Variants in EIF4G3 observed in about 807,000 individuals in gnomAD.
EIF4G3 encodes eIF-4-gamma 3.
Under a neutral mutation model 186.4 loss-of-function variants are expected in EIF4G3, and 34 were observed. The observed-to-expected ratio is 0.18, with a 90% CI of 0.14 to 0.24. The LOEUF (loss-of-function observed/expected upper bound fraction) is 0.24, where lower values mean the gene tolerates loss of function less well. EIF4G3 is among the 10% of genes least tolerant of loss of function. The probability of loss-of-function intolerance (pLI) is 1.00; values close to 1 mark genes in which losing one functional copy is unlikely to be tolerated. For missense variants in EIF4G3, 1,536 were observed against 1,948.5 expected, an observed-to-expected ratio of 0.79 and a Z score of 3.99; for synonymous variants, 673 against 679.5, an observed-to-expected ratio of 0.99 and a Z score of 0.15.
chr1:20,991,721 A>G (rs1352101897), intron 7 of EIF4G3, among the ~76,000 whole-genome samples: 2 of 152,198 alleles, frequency 1.3e-5, no homozygotes, highest in African/African-American at 2.4e-5. Flanking sequence ...ACACAGTGCT[A>G]CCCTAGAGGT....
chr1:21,012,775 A>G (rs2087562674), intron 4 of EIF4G3, among the ~76,000 whole-genome samples: 1 of 152,186 alleles, frequency 6.6e-6, no homozygotes, highest in South Asian at 2.1e-4. Flanking sequence ...GATTCACACC[A>G]TGGACTTTTG....
rs368075981 is a variant in EIF4G3 at position 20,885,580 on chromosome 1, G to C, written c.2424+621C>G. ...TAAGAGACTCCAGTTTTGGTGCCTA[G>C]AAGCAAAAACATCTCAAGTCGCAGA... is the stretch of plus-strand genomic sequence containing the variant. On this transcript the variant is annotated intron_variant, in intron 19 of 36. Coordinates refer to ENST00000602326, the MANE Select transcript of EIF4G3 (RefSeq NM_001391906.1). Among the ~76,000 whole-genome samples, 4 of 152,300 alleles carry C rather than the reference G, an allele frequency of 2.6e-5. No individual in the cohort carries two copies. The East Asian group carries it at 5.8e-4, about 22-fold the overall frequency.
intron 2 of EIF4G3, among the ~76,000 whole-genome samples, chr1:21,150,363 A>C (rs1337580324): frequency 1.3e-5 from 2 of 152,248 alleles, no homozygotes; most frequent in African/African-American, 4.8e-5. Context: ...GGCTTTAAAA[A>C]AAGATGCCTA....
chr1:20,899,788 A>G lies in EIF4G3; in HGVS notation c.1908T>C (p.Gly636=), dbSNP rs1210779026. The stretch of plus-strand genomic sequence containing the variant: ...CTTCACCCTCAGAAACACTCTCAGC[A>G]CCATTACGTACTGGCTCAGCTTCTT... ...NGEEAEPVRN[G]AESVSEGEGI... The change falls in exon 16 of 37, where the codon GGT becomes GGC. Residue 636 remains glycine, a synonymous_variant. Coordinates refer to ENST00000602326, the MANE Select transcript of EIF4G3 (RefSeq NM_001391906.1). 1.2e-6 allele frequency: 2 copies of G among 1,614,064 alleles called. No individual in the cohort carries two copies. The highest frequency in any genetic ancestry group is 1.7e-6 in the Non-Finnish European group (2 of 1,179,994).
intron 19 of EIF4G3, among the ~76,000 whole-genome samples, 158 bp downstream of exon 19, chr1:20,886,043 C>T (rs571670165): frequency 1.8e-4 from 27 of 152,274 alleles, no homozygotes; most frequent in African/African-American, 6.3e-4. Flanking sequence ...CAGTAGGTTG[C>T]CTGGCATCCA....
chr1:20,976,355 T>G (rs2076874796), intron 10 of EIF4G3, among the ~76,000 whole-genome samples: 3 of 138,290 alleles, frequency 2.2e-5, no homozygotes, highest in African/African-American at 8.2e-5. Context: ...GGCCCCAGTG[T>G]CACACAGAGG....
At chr1:21,043,647 T>C (rs533298489) in intron 4 of EIF4G3, among the ~76,000 whole-genome samples, 6 of 152,210 alleles carry the variant, frequency 3.9e-5, no homozygotes, top group African/African-American at 1.4e-4. Flanking sequence ...ATCCTAGCAC[T>C]CTGTGAGGCC....
At chr1:20,919,674 A>G (rs2094309925) in intron 14 of EIF4G3, among the ~76,000 whole-genome samples, 1 of 152,212 alleles carries the variant, frequency 6.6e-6, no homozygotes, top group Admixed American at 6.5e-5. Flanking sequence ...TATATATCAT[A>G]AAGTAAATTA....
intron 29 of EIF4G3, among the ~76,000 whole-genome samples, chr1:20,843,665 CA>C (rs2069562517): frequency 6.6e-6 from 1 of 152,190 alleles, no homozygotes; most frequent in Non-Finnish European, 1.5e-5. Context: ...CTTTTAAGAT[CA>C]GGGGTACATG....
At position 21,129,086 on chromosome 1, in the gene EIF4G3, G is replaced by A. The variant is rs560432490; in HGVS notation, c.-271-39873C>T. ...TCCCACAATTTTGGGAGGCCGAGGC[G>A]GGTGGATCACAAAGTCAGGCGTTCA... On this transcript the variant is annotated intron_variant, in intron 2 of 36. Coordinates refer to ENST00000602326, the MANE Select transcript of EIF4G3 (RefSeq NM_001391906.1). Among the ~76,000 whole-genome samples, 5 of 151,836 alleles carry A rather than the reference G, an allele frequency of 3.3e-5. No homozygotes were observed. In the South Asian group the frequency reaches 6.2e-4, roughly 19 times the overall value.
At chr1:20,918,576 C>A (rs370857633) in intron 14 of EIF4G3, among the ~76,000 whole-genome samples, 1 of 152,020 alleles carries the variant, frequency 6.6e-6, no homozygotes, top group Non-Finnish European at 1.5e-5. Flanking sequence ...GCTTTATTTT[C>A]ACTTAAAATC....
At chr1:21,157,576 C>G (rs1056083066) in intron 2 of EIF4G3, among the ~76,000 whole-genome samples, 1 of 151,918 alleles carries the variant, frequency 6.6e-6, no homozygotes, top group African/African-American at 2.4e-5. Flanking sequence ...GGCTCAAGTG[C>G]TCCTTCTGTC....
At chr1:20,888,994 C>CT (rs1484821958) in intron 18 of EIF4G3, among the ~76,000 whole-genome samples, 1 of 152,106 alleles carries the variant, frequency 6.6e-6, no homozygotes, top group African/African-American at 2.4e-5. Context: ...CTTTAAGGAA[C>CT]TTTAAGGTAT....
chr1:21,047,840 T>C (rs905510385), intron 4 of EIF4G3, among the ~76,000 whole-genome samples: 2 of 152,178 alleles, frequency 1.3e-5, no homozygotes, highest in Non-Finnish European at 2.9e-5. Context: ...TTTTTCCAGG[T>C]ATGCTAGTTT....
At chr1:20,823,546 AT>A (rs552200739) in intron 33 of EIF4G3, among the ~76,000 whole-genome samples, 5 of 150,096 alleles carry the variant, frequency 3.3e-5, no homozygotes, top group African/African-American at 1.2e-4. Flanking sequence ...ACACCTAGCT[AT>A]TTTTTTTTAG....
chr1:21,093,210 G>A (rs939991864), intron 2 of EIF4G3, among the ~76,000 whole-genome samples: 2 of 152,080 alleles, frequency 1.3e-5, no homozygotes, highest in African/African-American at 4.8e-5. Flanking sequence ...ATCTGACAAA[G>A]GGCTAATATC....
chr1:20,876,443 T>TAAAA (rs386366428), intron 20 of EIF4G3, among the ~76,000 whole-genome samples: 3 of 80,846 alleles, frequency 3.7e-5, no homozygotes, highest in Non-Finnish European at 5.1e-5. Flanking sequence ...ATTTATTAAG[T>TAAAA]AAAAAAAAAA....
chr1:21,101,764 TATTACATC>T (rs1229056596), intron 2 of EIF4G3, among the ~76,000 whole-genome samples: 5 of 152,008 alleles, frequency 3.3e-5, no homozygotes, highest in African/African-American at 1.2e-4. Flanking sequence ...TTATTATATT[TATTACATC>T]ATTATATTGT....
At chr1:21,092,003 G>T (rs2096220287) in intron 2 of EIF4G3, among the ~76,000 whole-genome samples, 1 of 152,128 alleles carries the variant, frequency 6.6e-6, no homozygotes, top group Non-Finnish European at 1.5e-5. Context: ...CTGCCTGATT[G>T]CCCTGGCCAA....
Sources: gnomAD v4.1 joint callset for allele counts (sites outside exome capture counted in the v4.1 genomes callset) on GRCh38, gnomAD v4.1.1 for gene constraint, MANE v1.5 for transcripts, NCBI Gene and HGNC (gene_info 2026-07-23, HGNC 2026-07-21) for gene names.